KATNAL2: variants seen among roughly 807,000 people sequenced by gnomAD.
The protein encoded by KATNAL2 is katanin p60 ATPase-containing subunit A-like 2.
KATNAL2 carries 52 observed loss-of-function variants against 76.3 expected under a neutral mutation model. The ratio of observed to expected loss-of-function variants is 0.68; its 90% CI spans 0.55 to 0.86. KATNAL2 has a LOEUF of 0.86. KATNAL2 is among the 40% of genes least tolerant of loss of function. The pLI, the probability that KATNAL2 is intolerant of heterozygous loss-of-function variation, is 0.00. For missense variants in KATNAL2, 660 were observed against 668.9 expected (o/e 0.99, Z 0.15); for synonymous variants, 243 against 244.2 (o/e 1.00, Z 0.05).
At position 47,044,502 on chromosome 18, in the gene KATNAL2, T is replaced by G. The variant is rs112129504; in HGVS notation, c.52-1955T>G. On this transcript the variant is annotated intron_variant, in intron 3 of 17. Transcript: ENST00000683218. ...GGCCAGGTGCGGTGGCTCACGCCTG[T>G]AATCCCAGCACTTTGGGAGGCCGAA... 1.4e-4 allele frequency among the ~76,000 whole-genome samples: 22 copies of G among 152,300 alleles called. 1 individual carries two copies. The highest frequency in any genetic ancestry group is 5.1e-4 in the African/African-American group (21 of 41,550).
chr18:47,058,356 A>G lies in KATNAL2; in HGVS notation c.450+4A>G. 6.3e-7 allele frequency: 1 copy of G among 1,575,008 alleles called. No homozygotes were observed. Among genetic ancestry groups the G allele is most frequent in the Middle Eastern group, 1.7e-4 (1 of 5,958 alleles). On this transcript the variant is annotated splice_donor_region_variant and intron_variant, in intron 7 of 17. Transcript: ENST00000683218. ...CAATAAGGAGCATCCTAATCAGGTCAGGATGGCTTGGCTTGACTTTGTGAA... is the reference window on the plus strand; with the variant it reads ...CAATAAGGAGCATCCTAATCAGGTCGGGATGGCTTGGCTTGACTTTGTGAA...
At chr18:47,071,404 CA>C (rs1356731474) in intron 13 of KATNAL2, among the ~76,000 whole-genome samples, 1 of 152,112 alleles carries the variant, frequency 6.6e-6, no homozygotes, top group African/African-American at 2.4e-5. Context: ...GGAAGAGTGT[CA>C]GGGGGAACAG....
chr18:46,951,779 T>TTTAA (rs1174566087), intron 3 of KATNAL2, among the ~76,000 whole-genome samples: 4 of 152,140 alleles, frequency 2.6e-5, no homozygotes, highest in Non-Finnish European at 5.9e-5. Flanking sequence ...CCATTACTTT[T>TTTAA]TTAATTAATT....
At chr18:47,041,275 A>G (rs1301856865) in intron 3 of KATNAL2, among the ~76,000 whole-genome samples, 2 of 152,184 alleles carry the variant, frequency 1.3e-5, no homozygotes, top group Non-Finnish European at 1.5e-5. Flanking sequence ...TTTTGGACAA[A>G]TGTATAATGA....
chr18:46,943,278 A>G (rs2146640802), intron 1 of KATNAL2, among the ~76,000 whole-genome samples: 1 of 152,276 alleles, frequency 6.6e-6, no homozygotes, highest in Non-Finnish European at 1.5e-5. Context: ...CATTTGAACT[A>G]CAGCAACTCA....
chr18:46,938,624 A>G (rs186288690), intron 1 of KATNAL2, among the ~76,000 whole-genome samples: 4 of 152,280 alleles, frequency 2.6e-5, no homozygotes, highest in Admixed American at 6.5e-5. Context: ...GTAGCCATCT[A>G]TCTTATCTCC....
chr18:47,101,133 A>T lies in KATNAL2; in HGVS notation c.*128A>T, dbSNP rs2063432869. On this transcript the variant is annotated 3_prime_UTR_variant, in exon 18 of 18. Transcript: ENST00000683218. Reference sequence around the variant, plus strand: ...TATTTTTGAAGACTGGATTAACTTGAGCCACTGTATTGTTTTGGATAGCTG... The same window carrying T: ...TATTTTTGAAGACTGGATTAACTTGTGCCACTGTATTGTTTTGGATAGCTG... 2.9e-6 allele frequency: 3 copies of T among 1,051,432 alleles called. No individual in the cohort carries two copies. Among genetic ancestry groups the T allele is most frequent in the Non-Finnish European group, 4.1e-6 (3 of 726,502 alleles). 65.1% of individuals were successfully genotyped at this position (1,051,432 alleles called of 1,614,324 possible). A position where few individuals can be genotyped will look rare whatever the true frequency, so the allele number is the denominator to read the frequency against.
Position 47,059,546 on chromosome 18 carries a change from C to G in KATNAL2, c.451-10C>G. On this transcript the variant is annotated splice_polypyrimidine_tract_variant and intron_variant, in intron 7 of 17. Coordinates refer to ENST00000683218, the MANE Select transcript of KATNAL2 (RefSeq NM_001387690.1). Reference sequence around the variant, plus strand: ...TCACAGCCGATGTGTCCTTGTCTCTCTTTCTTCAGGAGGTAGTTGATAACA... The same window carrying G: ...TCACAGCCGATGTGTCCTTGTCTCTGTTTCTTCAGGAGGTAGTTGATAACA... The G allele has an allele frequency of 6.3e-7, 1 of 1,585,578 alleles. No homozygotes were observed. Among genetic ancestry groups the G allele is most frequent in the Non-Finnish European group, 8.7e-7 (1 of 1,154,228 alleles).
intron 15 of KATNAL2, among the ~76,000 whole-genome samples, chr18:47,089,650 G>T (rs968290908): frequency 6.6e-6 from 1 of 152,072 alleles, no homozygotes; most frequent in Non-Finnish European, 1.5e-5. Context: ...AGCCACATGG[G>T]TTCAATGAAT....
At chr18:47,095,619 A>T (rs535312953) in intron 15 of KATNAL2, among the ~76,000 whole-genome samples, 11 of 152,360 alleles carry the variant, frequency 7.2e-5, no homozygotes, top group African/African-American at 2.6e-4. Context: ...GGACTAATAC[A>T]GTGTTTTTAT....
intron 1 of KATNAL2, among the ~76,000 whole-genome samples, chr18:46,932,798 T>C (rs900209152): frequency 3.6e-4 from 54 of 151,616 alleles, no homozygotes; most frequent in African/African-American, 1.2e-3. Flanking sequence ...AGAGTCTTGC[T>C]CTGTTGCCCA....
At chr18:47,084,189 A>C (rs1191929974) in intron 15 of KATNAL2, 1 of 558,004 alleles carries the variant, frequency 1.8e-6, no homozygotes, top group African/African-American at 1.9e-5. Context: ...CGCCGGGGCA[A>C]CTGCTAACAG....
rs2061160020 is a variant in KATNAL2, at chr18:47,046,456, G to A, written c.52-1G>A. 2.0e-6 allele frequency: 3 copies of A among 1,535,110 alleles called. No homozygotes were observed. Among genetic ancestry groups the A allele is most frequent in the African/African-American group, 2.7e-5 (2 of 73,016 alleles). On this transcript the variant is annotated splice_acceptor_variant, in intron 3 of 17. Coordinates refer to ENST00000683218, the MANE Select transcript of KATNAL2 (RefSeq NM_001387690.1). LOFTEE classifies it high-confidence loss of function. Reference sequence around the variant, plus strand: ...CCTACCTAAATTTTCCTCTGTTCCAGTGCGAGATGAGGACAGAAGCACGAC... The same window carrying A: ...CCTACCTAAATTTTCCTCTGTTCCAATGCGAGATGAGGACAGAAGCACGAC...
At chr18:47,032,955 C>T (rs2060547087) in intron 3 of KATNAL2, 6 of 1,613,066 alleles carry the variant, frequency 3.7e-6, no homozygotes, top group Non-Finnish European at 4.2e-6. Context: ...ATTGACTTTG[C>T]CAATGCAAAA....
At chr18:46,929,168 T>C (rs2058828197) in intron 1 of KATNAL2, among the ~76,000 whole-genome samples, 1 of 151,986 alleles carries the variant, frequency 6.6e-6, no homozygotes, top group South Asian at 2.1e-4. Context: ...TCATACAGCG[T>C]ATACTCTTCT....
chr18:47,043,221 C>T (rs1247485203), intron 3 of KATNAL2, among the ~76,000 whole-genome samples: 4 of 40,108 alleles, frequency 1.0e-4, no homozygotes, highest in Admixed American at 7.9e-4. Flanking sequence ...AGCGAGACTC[C>T]GTTTCAAAAA....
At chr18:47,056,805 GACACACACACACACAAACACATAA>G (rs2061483150) in intron 6 of KATNAL2, among the ~76,000 whole-genome samples, 1 of 145,506 alleles carries the variant, frequency 6.9e-6, no homozygotes. Context: ...TTTAAATACA[GACACACACACACACAAACACATAA>G]ACACACACAC....
Position 47,031,381 on chromosome 18 carries a change from T to G in KATNAL2, c.52-15076T>G, listed in dbSNP as rs145821453. On this transcript the variant is annotated intron_variant, in intron 3 of 17. Transcript: ENST00000683218. Reference sequence around the variant, plus strand: ...GCTGTCGTTGGCAGTTTCGCGTAATTTTTAATTTCTCGTGTGACTTTTTTT... The same window carrying G: ...GCTGTCGTTGGCAGTTTCGCGTAATGTTTAATTTCTCGTGTGACTTTTTTT... 7.6e-3 allele frequency among the ~76,000 whole-genome samples: 1,159 copies of G among 152,264 alleles called. 10 individuals are homozygous for G. The highest frequency in any genetic ancestry group is 0.011 in the Non-Finnish European group (747 of 68,008).
chr18:46,925,711 C>T (rs1384633198), intron 1 of KATNAL2, among the ~76,000 whole-genome samples: 1 of 152,096 alleles, frequency 6.6e-6, no homozygotes, highest in Non-Finnish European at 1.5e-5. Flanking sequence ...TCCATGTGGT[C>T]CTGGACTTTT....
Sources: gnomAD v4.1 joint callset for allele counts (sites outside exome capture counted in the v4.1 genomes callset) on GRCh38, gnomAD v4.1.1 for gene constraint, MANE v1.5 for transcripts, NCBI Gene and HGNC (gene_info 2026-07-23, HGNC 2026-07-21) for gene names.